ADAMTSL1: variants seen among roughly 807,000 people sequenced by gnomAD.
ADAMTSL1 encodes the protein ADAMTS-like protein 1.
Under a neutral mutation model 201.8 loss-of-function variants are expected in ADAMTSL1, and 126 were observed. The observed-to-expected ratio is 0.62, with a 90% confidence interval of 0.54 to 0.72. The LOEUF (loss-of-function observed/expected upper bound fraction) is 0.72. Among genes scored for constraint, ADAMTSL1 ranks in the 30% least tolerant of loss-of-function variants. ADAMTSL1 has a pLI of 0.00. For missense variants in ADAMTSL1, 2,679 were observed against 2,277.8 expected (o/e 1.18, Z -3.59); for synonymous variants, 1,121 against 903.4 (o/e 1.24, Z -4.32).
chr9:18,338,201 G>C (rs896764128), intron 2 of ADAMTSL1, among the ~76,000 whole-genome samples: 15 of 151,974 alleles, frequency 9.9e-5, no homozygotes, highest in African/African-American at 3.4e-4. Context: ...ATGTCTTCAA[G>C]CCACTGACCC....
At chr9:18,655,119 A>C (rs1257766088) in intron 7 of ADAMTSL1, among the ~76,000 whole-genome samples, 1 of 152,260 alleles carries the variant, frequency 6.6e-6, no homozygotes, top group Non-Finnish European at 1.5e-5. Context: ...GCCTTTTGCC[A>C]GTGAAAAAGG....
intron 5 of ADAMTSL1, among the ~76,000 whole-genome samples, chr9:18,626,878 C>CTTACTTTCTTT (rs1461320087): frequency 2.1e-4 from 19 of 90,076 alleles, no homozygotes; most frequent in African/African-American, 1.1e-3. Flanking sequence ...TGTCTTTCTT[C>CTTACTTTCTTT]CTTCCTTCCT....
chr9:18,370,386 T>G, intron 2 of ADAMTSL1, among the ~76,000 whole-genome samples: 1 of 152,054 alleles, frequency 6.6e-6, no homozygotes, highest in East Asian at 1.9e-4. Flanking sequence ...GATGGGTTAC[T>G]AGAAGCCCAA....
chr9:18,034,876 T>G (rs1043844952), intron 1 of ADAMTSL1, among the ~76,000 whole-genome samples: 3 of 152,208 alleles, frequency 2.0e-5, no homozygotes, highest in African/African-American at 7.2e-5. Context: ...AATATTTCAG[T>G]CTTTCCTCAT....
At chr9:18,679,096 C>G (rs1698137352) in intron 10 of ADAMTSL1, among the ~76,000 whole-genome samples, 1 of 151,990 alleles carries the variant, frequency 6.6e-6, no homozygotes, top group South Asian at 2.1e-4. Flanking sequence ...GAAGGAAAAC[C>G]CTTTGTAACT....
chr9:18,127,457 T>G (rs1825780796), intron 1 of ADAMTSL1, among the ~76,000 whole-genome samples: 1 of 137,828 alleles, frequency 7.3e-6, no homozygotes, highest in African/African-American at 2.8e-5. Context: ...GTGTGTGGGG[T>G]GGTGCATGCA....
At chr9:18,900,390 G>A (rs1414058942) in intron 26 of ADAMTSL1, among the ~76,000 whole-genome samples, 1 of 152,042 alleles carries the variant, frequency 6.6e-6, no homozygotes, top group East Asian at 1.9e-4. Flanking sequence ...AGATCTAGAG[G>A]CAGAAATACC....
At chr9:18,061,346 A>AT (rs1822447380) in intron 1 of ADAMTSL1, among the ~76,000 whole-genome samples, 1 of 151,962 alleles carries the variant, frequency 6.6e-6, no homozygotes, top group African/African-American at 2.4e-5. Flanking sequence ...TTGATGTCTC[A>AT]TTTTTTTCTG....
chr9:18,778,037 T>A, intron 19 of ADAMTSL1, 131 bp downstream of exon 19: 1 of 1,166,936 alleles, frequency 8.6e-7, no homozygotes, highest in East Asian at 2.6e-5. Flanking sequence ...GACCCCATCA[T>A]GGGGTGCAGG....
chr9:18,086,721 TACA>T (rs1239192009), intron 1 of ADAMTSL1, among the ~76,000 whole-genome samples: 2 of 152,212 alleles, frequency 1.3e-5, no homozygotes, highest in Non-Finnish European at 1.5e-5. Flanking sequence ...AATGATTTTG[TACA>T]ACAAGGATGG....
intron 3 of ADAMTSL1, among the ~76,000 whole-genome samples, chr9:18,534,877 C>G (rs1819661488): frequency 6.6e-6 from 1 of 152,204 alleles, no homozygotes; most frequent in Non-Finnish European, 1.5e-5. Context: ...CAAGTCCATC[C>G]AGAGGCTGCC....
At chr9:18,447,894 A>C (rs1241497924) in intron 2 of ADAMTSL1, among the ~76,000 whole-genome samples, 1 of 152,206 alleles carries the variant, frequency 6.6e-6, no homozygotes. Context: ...TCGAGCACAC[A>C]TGGTTGTGCA....
chr9:18,687,763 A>C (rs991176436), intron 13 of ADAMTSL1, among the ~76,000 whole-genome samples: 2 of 152,230 alleles, frequency 1.3e-5, no homozygotes, highest in African/African-American at 4.8e-5. Flanking sequence ...TAACCGCTTT[A>C]AGATGTTTAG....
intron 2 of ADAMTSL1, among the ~76,000 whole-genome samples, chr9:18,242,001 A>C (rs1358872948): frequency 1.3e-5 from 2 of 152,096 alleles, no homozygotes; most frequent in African/African-American, 4.8e-5. Flanking sequence ...GTACTTCCTA[A>C]CACATCTTAT....
In ADAMTSL1 at chr9:18,681,709, G is replaced by GGGT. The variant is rs1830499534; in HGVS notation, c.1342-103_1342-102insGGT. On this transcript the variant is annotated intron_variant, in intron 11 of 28. Transcript: ENST00000380548. ...AGGAGTCCTCGTGTGGGGGGGGGGG[G>GGGT]CGGGGAAAAAGAAAACTTAGATTAA... 2.0e-5 allele frequency: 15 copies of GGGT among 739,092 alleles called. 1 individual carries two copies. The highest frequency in any genetic ancestry group is 2.8e-5 in the Non-Finnish European group (15 of 538,498). 45.8% of individuals were successfully genotyped at this position (739,092 alleles called of 1,614,324 possible). A position where few individuals can be genotyped will look rare whatever the true frequency, so the allele number is the denominator to read the frequency against.
chr9:18,171,267 A>T (rs1357300212), intron 2 of ADAMTSL1, among the ~76,000 whole-genome samples: 125 of 152,088 alleles, frequency 8.2e-4, no homozygotes, highest in Non-Finnish European at 2.9e-5. Context: ...TTGGTAAAGG[A>T]TGTAATAAAT....
intron 23 of ADAMTSL1, among the ~76,000 whole-genome samples, chr9:18,867,306 G>C (rs1451883950): frequency 6.6e-6 from 1 of 152,166 alleles, no homozygotes. Context: ...AAAATATTTG[G>C]GAAAATATGT....
intron 2 of ADAMTSL1, among the ~76,000 whole-genome samples, chr9:18,296,155 A>C (rs1029257597): frequency 5.9e-5 from 9 of 152,202 alleles, no homozygotes; most frequent in Non-Finnish European, 8.8e-5. Context: ...GACAAATTCA[A>C]AATATGAAAC....
chr9:18,223,409 C>T lies in ADAMTSL1; in HGVS notation c.207+59428C>T, dbSNP rs531060179. Reference sequence around the variant, plus strand: ...CAACCTGTATCTCCTTTAAGAACTACAAATATGTAAGTTAGAATTTTTTTC... The same window carrying T: ...CAACCTGTATCTCCTTTAAGAACTATAAATATGTAAGTTAGAATTTTTTTC... On this transcript the variant is annotated intron_variant, in intron 2 of 29. Coordinates refer to the ADAMTSL1 transcript ENST00000680146. Among the ~76,000 whole-genome samples, 9 of 152,180 alleles carry T rather than the reference C, an allele frequency of 5.9e-5. No homozygotes were observed. In the East Asian group the frequency reaches 1.5e-3, roughly 26 times the overall value.
Sources: allele counts gnomAD v4.1 joint callset (sites outside exome capture counted in the v4.1 genomes callset), GRCh38; gene constraint gnomAD v4.1.1; transcripts MANE v1.5; gene names NCBI Gene and HGNC (gene_info 2026-07-23, HGNC 2026-07-21).